The following COL22A1 variants were observed in gnomAD, a reference collection of about 807,000 sequenced individuals.
COL22A1 encodes the protein collagen type XXII alpha 1 chain.
Under a neutral mutation model 248.9 loss-of-function variants are expected in COL22A1, and 221 were observed. The observed-to-expected ratio is 0.89, with a 90% confidence interval of 0.80 to 0.99. The LOEUF (loss-of-function observed/expected upper bound fraction) is 0.99. Among genes scored for constraint, COL22A1 ranks in the 50% least tolerant of loss-of-function variants. The pLI is 0.00. For missense variants in COL22A1, 2,240 were observed against 2,179.0 expected (o/e 1.03, Z -0.56); for synonymous variants, 891 against 793.4 (o/e 1.12, Z -2.07).
At chr8:138,852,381 G>A (rs918473447) in intron 3 of COL22A1, among the ~76,000 whole-genome samples, 1 of 152,168 alleles carries the variant, frequency 6.6e-6, no homozygotes, top group Non-Finnish European at 1.5e-5. Flanking sequence ...AGGATCTGAA[G>A]GTAGATTAGA....
chr8:138,615,752 C>T (rs1161747730), intron 55 of COL22A1, among the ~76,000 whole-genome samples: 3 of 152,198 alleles, frequency 2.0e-5, no homozygotes, highest in East Asian at 3.9e-4. Flanking sequence ...ATCCAACAGG[C>T]CTATCATTTG....
rs528266775 is a variant in COL22A1 at position 138,867,499 on chromosome 8, T to C, written c.658+10251A>G. On this transcript the variant is annotated intron_variant, in intron 3 of 64. Coordinates refer to ENST00000303045, the MANE Select transcript of COL22A1 (RefSeq NM_152888.3). ...CACAACTTGGTAACTATCTGCCAGA[T>C]TGGGAACTATCATTTCAGATTACAG... 2.5e-3 allele frequency among the ~76,000 whole-genome samples: 387 copies of C among 152,236 alleles called. 1 individual carries two copies. The highest frequency in any genetic ancestry group is 9.0e-3 in the African/African-American group (374 of 41,554).
intron 27 of COL22A1, among the ~76,000 whole-genome samples, chr8:138,720,450 C>G (rs976100206): frequency 6.6e-6 from 1 of 151,958 alleles, no homozygotes; most frequent in South Asian, 2.1e-4. Context: ...TTCCGGCTCT[C>G]GTGGGGGATA....
At chr8:138,751,414 T>C (rs1832587284) in intron 22 of COL22A1, 44 bp downstream of exon 22, 7 of 1,425,880 alleles carry the variant, frequency 4.9e-6, no homozygotes, top group Non-Finnish European at 6.9e-6. Flanking sequence ...TAGGGACCAG[T>C]GTGGGTGAGC....
At chr8:138,724,706 G>C (rs772725561) in intron 24 of COL22A1, 38 bp from the exon 25 acceptor site, 2 of 1,594,124 alleles carry the variant, frequency 1.3e-6, no homozygotes, top group East Asian at 4.5e-5. Flanking sequence ...AGCCTGGCCT[G>C]TTCAGAGATC....
rs1823492516 is a variant in COL22A1 at position 138,873,451 on chromosome 8, TA to T, written c.658+4298del. On this transcript the variant is annotated intron_variant, in intron 3 of 64. Coordinates refer to ENST00000303045, the MANE Select transcript of COL22A1 (RefSeq NM_152888.3). ...GTCAGGCCACTGCCCTTATTTCCTT[TA>T]AACAATATTTAGGAGCTCATCCTAC... Among the ~76,000 whole-genome samples the T allele has an allele frequency of 2.0e-5, 3 of 152,182 alleles. No homozygotes were observed. The South Asian group carries it at 6.2e-4, about 32-fold the overall frequency.
chr8:138,677,593 G>A (rs1017498089), intron 40 of COL22A1, among the ~76,000 whole-genome samples: 2 of 151,514 alleles, frequency 1.3e-5, no homozygotes, highest in African/African-American at 2.4e-5. Context: ...AACCTGACTT[G>A]TGCTATTTGC....
intron 14 of COL22A1, 31 bp downstream of exon 14, chr8:138,779,478 T>A (rs1814756852): frequency 6.4e-7 from 1 of 1,570,334 alleles, no homozygotes; most frequent in Non-Finnish European, 8.8e-7. Context: ...CCTGGGAGCA[T>A]CAGAAGGGCC....
intron 23 of COL22A1, among the ~76,000 whole-genome samples, chr8:138,734,191 A>G (rs1050387964): frequency 3.9e-5 from 6 of 152,184 alleles, no homozygotes; most frequent in Admixed American, 1.3e-4. Context: ...ACTGTCTTCA[A>G]TGACAGTCGT....
chr8:138,772,888 C>A (rs1184537814), intron 16 of COL22A1, among the ~76,000 whole-genome samples: 19 of 152,140 alleles, frequency 1.2e-4, no homozygotes, highest in African/African-American at 4.6e-4. Flanking sequence ...AAAACAACAA[C>A]AAAAAACCCA....
chr8:138,819,718 TTATA>T (rs1818952172), intron 7 of COL22A1, among the ~76,000 whole-genome samples: 1 of 148,442 alleles, frequency 6.7e-6, no homozygotes, highest in Non-Finnish European at 1.5e-5. Flanking sequence ...TGTTTATATA[TTATA>T]TATAATTTAT....
chr8:138,634,957 G>A, intron 49 of COL22A1, 53 bp downstream of exon 49: 1 of 1,174,934 alleles, frequency 8.5e-7, no homozygotes, highest in Non-Finnish European at 1.3e-6. Context: ...GAGTTGAGAT[G>A]TGCATTCAAA....
At chr8:138,706,924 A>C (rs1316684449) in intron 30 of COL22A1, among the ~76,000 whole-genome samples, 1 of 152,226 alleles carries the variant, frequency 6.6e-6, no homozygotes, top group Admixed American at 6.5e-5. Flanking sequence ...GAGAGAATCA[A>C]ATAGATGCAA....
At chr8:138,913,448 A>T (rs1587037475) in intron 1 of COL22A1, among the ~76,000 whole-genome samples, 171 bp downstream of exon 1, 1 of 152,252 alleles carries the variant, frequency 6.6e-6, no homozygotes, top group South Asian at 2.1e-4. Flanking sequence ...CTCCCTAAAG[A>T]GCGAAGTGTG....
At chr8:138,692,047 T>A (rs1173360593) in intron 35 of COL22A1, among the ~76,000 whole-genome samples, 1 of 146,920 alleles carries the variant, frequency 6.8e-6, no homozygotes, top group African/African-American at 2.5e-5. Context: ...TTTGTGAAGG[T>A]GTGTGTGTGC....
intron 3 of COL22A1, among the ~76,000 whole-genome samples, chr8:138,872,239 A>C (rs1563869323): frequency 6.6e-6 from 1 of 152,194 alleles, no homozygotes; most frequent in Non-Finnish European, 1.5e-5. Flanking sequence ...AACTCTCATT[A>C]AATGAGAATA....
chr8:138,661,039 GAC>G (rs1220574310), intron 43 of COL22A1, among the ~76,000 whole-genome samples: 791 of 70,264 alleles, frequency 0.011, 9 homozygotes, highest in African/African-American at 0.049. Flanking sequence ...CACATATACA[GAC>G]ACACACACAC....
intron 12 of COL22A1, among the ~76,000 whole-genome samples, chr8:138,786,082 G>A (rs1362403626): frequency 2.0e-5 from 3 of 152,136 alleles, no homozygotes; most frequent in Non-Finnish European, 4.4e-5. Flanking sequence ...ACAAATTGTC[G>A]AAGTGCTCTG....
intron 3 of COL22A1, among the ~76,000 whole-genome samples, chr8:138,848,110 G>A (rs997203349): frequency 1.3e-5 from 2 of 152,160 alleles, no homozygotes; most frequent in African/African-American, 2.4e-5. Context: ...TTAAGGGCAA[G>A]GATAAATTCA....
Sources: allele counts gnomAD v4.1 joint callset (sites outside exome capture counted in the v4.1 genomes callset), GRCh38; gene constraint gnomAD v4.1.1; transcripts MANE v1.5; gene names NCBI Gene and HGNC (gene_info 2026-07-23, HGNC 2026-07-21).